CLPTM1L: variants seen among roughly 807,000 people sequenced by gnomAD.
The protein encoded by CLPTM1L is lipid scramblase CLPTM1L.
CLPTM1L carries 38 observed loss-of-function variants against 70.9 expected under a neutral mutation model. That is an observed-to-expected ratio of 0.54 (90% CI 0.41 to 0.70). The LOEUF (loss-of-function observed/expected upper bound fraction) is 0.70. Among genes scored for constraint, CLPTM1L ranks in the 30% least tolerant of loss-of-function variants. The pLI, the probability that CLPTM1L is intolerant of heterozygous loss-of-function variation, is 0.00. For missense variants in CLPTM1L, 652 were observed against 705.9 expected (o/e 0.92, Z 0.87); for synonymous variants, 339 against 299.9 (o/e 1.13, Z -1.35).
At chr5:1,344,511 T>C in intron 1 of CLPTM1L, 60 bp from the exon 2 acceptor site, 1 of 1,530,388 alleles carries the variant, frequency 6.5e-7, no homozygotes, top group Non-Finnish European at 9.0e-7. Context: ...CGCACTCAAA[T>C]CCCACGGCCA....
In CLPTM1L at chr5:1,320,608, G is replaced by A. The variant is rs1374497717; in HGVS notation, c.1532+8C>T. 1.2e-5 allele frequency: 18 copies of A among 1,501,440 alleles called. No homozygotes were observed. Among genetic ancestry groups the A allele is most frequent in the East Asian group, 2.5e-5 (1 of 39,424 alleles). 93.0% of individuals were successfully genotyped at this position (1,501,440 alleles called of 1,614,324 possible). ...GAGCAACGGCCGAGCATACGCAGCC[G>A]CACTCACCACCGCTGGTACAGGTAG... On this transcript the variant is annotated splice_region_variant and intron_variant, in intron 16 of 16. Coordinates refer to ENST00000320895, the MANE Select transcript of CLPTM1L (RefSeq NM_030782.5).
At chr5:1,343,705 C>A (rs1754093056) in intron 2 of CLPTM1L, among the ~76,000 whole-genome samples, 1 of 152,230 alleles carries the variant, frequency 6.6e-6, no homozygotes, top group Non-Finnish European at 1.5e-5. Flanking sequence ...CAGGGACTGG[C>A]TGCCTAGAGG....
At chr5:1,325,645 G>A in intron 10 of CLPTM1L, 106 bp downstream of exon 10, 3 of 883,288 alleles carry the variant, frequency 3.4e-6, no homozygotes, top group Non-Finnish European at 5.6e-6. Context: ...CCCTGACAGA[G>A]GCCCGCAGTG....
At chr5:1,331,428 G>T in intron 8 of CLPTM1L, 2 of 308,896 alleles carry the variant, frequency 6.5e-6, no homozygotes, top group Non-Finnish European at 1.2e-5. Context: ...CGGGGCGAGG[G>T]AACCAAGACA....
chr5:1,344,713 G>C lies in CLPTM1L; in HGVS notation c.129C>G (p.Ile43Met). ...TGGGCCGCCGCGCCAGGTAGGGCTG[G>C]ATGCAGTTGGCGTCGCCGGAGCACG... ...TRPCSGDANCIQPYLARRPKL... is the reference protein window; with the variant it reads ...TRPCSGDANCMQPYLARRPKL... The change falls in exon 1 of 17, where the codon ATC (isoleucine) becomes ATG (methionine). Residue 43 changes from isoleucine to methionine, a missense_variant. Ile to Met is a conservative substitution (Grantham distance 10). This residue lies in a region of CLPTM1L where 402 missense variants were observed against 388.2 expected (regional missense o/e 1.04). Transcript: ENST00000320895. The C allele has an allele frequency of 6.3e-7, 1 of 1,587,702 alleles. No homozygotes were observed. Among genetic ancestry groups the C allele is most frequent in the Non-Finnish European group, 8.6e-7 (1 of 1,168,764 alleles).
At chr5:1,343,611 C>G (rs932809500) in intron 2 of CLPTM1L, among the ~76,000 whole-genome samples, 3 of 152,194 alleles carry the variant, frequency 2.0e-5, no homozygotes, top group African/African-American at 7.2e-5. Flanking sequence ...TTCATGGAGG[C>G]AGAGAGAGGG....
chr5:1,338,317 C>A (rs1486251202), intron 4 of CLPTM1L: 1 of 378,418 alleles, frequency 2.6e-6, no homozygotes, highest in East Asian at 5.5e-5. Flanking sequence ...CCAGGATGCA[C>A]TGACACGGAG....
chr5:1,323,924 AAC>A (rs1752344286), intron 11 of CLPTM1L, 55 bp from the exon 12 acceptor site: 2 of 1,324,666 alleles, frequency 1.5e-6, no homozygotes, highest in Non-Finnish European at 2.2e-6. Context: ...AGCCTCTGTA[AAC>A]ACACTGCATG....
chr5:1,325,508 C>T (rs989791504), intron 10 of CLPTM1L: 8 of 535,226 alleles, frequency 1.5e-5, no homozygotes, highest in South Asian at 6.0e-5. Flanking sequence ...TCCCAGAGGC[C>T]GGCTCAGGCC....
Position 1,344,961 on chromosome 5 carries a change from G to T in CLPTM1L, c.-120C>A. On this transcript the variant is annotated 5_prime_UTR_variant, in exon 1 of 17. Coordinates refer to ENST00000320895, the MANE Select transcript of CLPTM1L (RefSeq NM_030782.5). Reference sequence around the variant, plus strand: ...CACTGGAGAGCCGCCGCGCGCCACCGCCACCGCCGCGGGGGAACGAATGCG... The same window carrying T: ...CACTGGAGAGCCGCCGCGCGCCACCTCCACCGCCGCGGGGGAACGAATGCG... The T allele has an allele frequency of 2.1e-6, 1 of 475,190 alleles. No individual in the cohort carries two copies. The highest frequency in any genetic ancestry group is 2.7e-6 in the Non-Finnish European group (1 of 365,338). The allele number at this position is 475,190 out of a possible 1,614,324, so 29.4% of individuals were successfully genotyped here.
At chr5:1,331,496 G>C (rs116349938) in intron 8 of CLPTM1L, 1 of 481,038 alleles carries the variant, frequency 2.1e-6, no homozygotes, top group East Asian at 3.2e-5. Context: ...AGGCTCGAGA[G>C]GTCCATGCAT....
rs567393880 is a variant in CLPTM1L at position 1,341,256 on chromosome 5, G to C, written c.453+415C>G. Among the ~76,000 whole-genome samples the C allele has an allele frequency of 5.3e-5, 8 of 152,252 alleles. No individual in the cohort carries two copies. In the South Asian group the frequency reaches 1.7e-3, roughly 32 times the overall value. Reference sequence around the variant, plus strand: ...TCCATGATCTCCAATTACATTCTTAGAATAAACATCTAGGAATAGCCCAGT... The same window carrying C: ...TCCATGATCTCCAATTACATTCTTACAATAAACATCTAGGAATAGCCCAGT... On this transcript the variant is annotated intron_variant, in intron 3 of 16. Transcript: ENST00000320895.
At chr5:1,330,665 G>T in intron 8 of CLPTM1L, 1 of 455,408 alleles carries the variant, frequency 2.2e-6, no homozygotes, top group Non-Finnish European at 3.9e-6. Context: ...GGCAGAGGTC[G>T]GATGACGGGG....
chr5:1,326,812 T>G (rs540025520), intron 9 of CLPTM1L, among the ~76,000 whole-genome samples: 239 of 147,430 alleles, frequency 1.6e-3, no homozygotes, highest in Non-Finnish European at 2.8e-3. Flanking sequence ...GCTCCTCCCC[T>G]ACAGGGACAT....
In CLPTM1L at chr5:1,341,739, G is replaced by C; in HGVS notation, c.385C>G (p.Pro129Ala). ...TTGGGGACCATGTAGGTGGTCAGAGGACTGACCAGGTGCACCTGCTTCCCG... is the reference window on the plus strand; with the variant it reads ...TTGGGGACCATGTAGGTGGTCAGAGCACTGACCAGGTGCACCTGCTTCCCG... ...HDGKQVHLVS[P>A]LTTYMVPKPE... The change falls in exon 3 of 17, where the codon CCT (proline) becomes GCT (alanine). Residue 129 changes from proline (P) to alanine (A), a missense_variant. Physicochemically the swap from Pro to Ala is conservative, Grantham distance 27. Transcript: ENST00000320895. The C allele has an allele frequency of 6.2e-7, 1 of 1,613,850 alleles. No homozygotes were observed. Among genetic ancestry groups the C allele is most frequent in the Non-Finnish European group, 8.5e-7 (1 of 1,179,836 alleles).
intron 8 of CLPTM1L, 40 bp from the exon 9 acceptor site, chr5:1,330,423 A>G (rs1388340972): frequency 6.5e-7 from 1 of 1,536,850 alleles, no homozygotes; most frequent in Non-Finnish European, 9.0e-7. Flanking sequence ...GGTGCAGGGC[A>G]GACCCCACCT....
rs1754186631 is a variant in CLPTM1L at position 1,344,995 on chromosome 5, C to G, written c.-154G>C. 1.1e-5 allele frequency: 3 copies of G among 267,978 alleles called. No individual in the cohort carries two copies. The highest frequency in any genetic ancestry group is 1.7e-5 in the Non-Finnish European group (3 of 175,740). The allele number at this position is 267,978 out of a possible 1,614,324, so 16.6% of individuals were successfully genotyped here. A position where few individuals can be genotyped will look rare whatever the true frequency, so the allele number is the denominator to read the frequency against. ...GCGGGGGAACGAATGCGCCGCGCGCCGCAGACCGCCGGCCGCCCCGCATGC... is the reference window on the plus strand; with the variant it reads ...GCGGGGGAACGAATGCGCCGCGCGCGGCAGACCGCCGGCCGCCCCGCATGC... On this transcript the variant is annotated 5_prime_UTR_variant, in exon 1 of 17. Transcript: ENST00000320895.
chr5:1,331,491 CGA>C (rs746294389), intron 8 of CLPTM1L: 522 of 463,082 alleles, frequency 1.1e-3, no homozygotes, highest in Non-Finnish European at 1.8e-3. Context: ...CGGGAAGGCT[CGA>C]GAGGTCCATG....
chr5:1,328,450 T>C (rs868671387), intron 9 of CLPTM1L, among the ~76,000 whole-genome samples: 1,455 of 123,490 alleles, frequency 0.012, 12 homozygotes, highest in Middle Eastern at 0.034. Flanking sequence ...CAGACACATT[T>C]CATCCAGCTC....
Sources: allele counts gnomAD v4.1 joint callset (sites outside exome capture counted in the v4.1 genomes callset), GRCh38; gene constraint gnomAD v4.1.1; regional missense constraint gnomAD v4.1.1; transcripts MANE v1.5; gene names NCBI Gene and HGNC (gene_info 2026-07-23, HGNC 2026-07-21).